The following ENOX1 variants were observed in gnomAD, a reference collection of about 807,000 sequenced individuals.
ENOX1 encodes ecto-NOX disulfide-thiol exchanger 1, also known as candidate growth-related and time keeping constitutive hydroquinone (NADH) oxidase.
In ENOX1, 42 loss-of-function variants were observed where a neutral mutation model predicts 82.5. The ratio of observed to expected loss-of-function variants is 0.51; its 90% CI spans 0.40 to 0.66. ENOX1 has a LOEUF of 0.66. Among genes scored for constraint, ENOX1 ranks in the 30% least tolerant of loss-of-function variants. The pLI is 0.00. For missense variants in ENOX1, 608 were observed against 811.6 expected (o/e 0.75, Z 3.05); for synonymous variants, 271 against 282.2 (o/e 0.96, Z 0.40).
chr13:43,319,374 T>C (rs1024182257), intron 11 of ENOX1, among the ~76,000 whole-genome samples: 1 of 152,142 alleles, frequency 6.6e-6, no homozygotes, highest in Non-Finnish European at 1.5e-5. Flanking sequence ...CAAAGACATA[T>C]TGCAAATTAT....
chr13:43,686,148 T>C (rs570616685), intron 1 of ENOX1, among the ~76,000 whole-genome samples: 2 of 152,292 alleles, frequency 1.3e-5, no homozygotes, highest in East Asian at 3.9e-4. Context: ...CTTAAGTAGC[T>C]CTCGGGATAT....
chr13:43,785,954 G>T (rs903817328), intron 1 of ENOX1, among the ~76,000 whole-genome samples: 1 of 152,078 alleles, frequency 6.6e-6, no homozygotes, highest in African/African-American at 2.4e-5. Flanking sequence ...CGGCCGAGGC[G>T]CGGGCTCTGC....
At chr13:43,550,227 T>C (rs2079135067) in intron 2 of ENOX1, among the ~76,000 whole-genome samples, 1 of 152,224 alleles carries the variant, frequency 6.6e-6, no homozygotes, top group African/African-American at 2.4e-5. Flanking sequence ...GTTTATGACC[T>C]GGGTGTTGGG....
intron 2 of ENOX1, among the ~76,000 whole-genome samples, chr13:43,529,916 C>A (rs1167377222): frequency 6.6e-6 from 1 of 152,100 alleles, no homozygotes; most frequent in Non-Finnish European, 1.5e-5. Flanking sequence ...ATTAAAACAA[C>A]AAACTATGAA....
chr13:43,353,551 A>T (rs2049948853), intron 8 of ENOX1, among the ~76,000 whole-genome samples: 1 of 152,252 alleles, frequency 6.6e-6, no homozygotes, highest in Admixed American at 6.5e-5. Context: ...CTTCAGGGAA[A>T]CAGTGTCCTC....
chr13:43,746,461 A>G (rs1950027223), intron 1 of ENOX1, among the ~76,000 whole-genome samples: 1 of 152,164 alleles, frequency 6.6e-6, no homozygotes, highest in African/African-American at 2.4e-5. Flanking sequence ...TTAGGGCAGG[A>G]GACAGGCAGT....
At chr13:43,519,829 A>G (rs1301510595) in intron 2 of ENOX1, among the ~76,000 whole-genome samples, 1 of 152,068 alleles carries the variant, frequency 6.6e-6, no homozygotes, top group Non-Finnish European at 1.5e-5. Flanking sequence ...GCAGTCCCAG[A>G]CTCATATTCA....
intron 14 of ENOX1, among the ~76,000 whole-genome samples, chr13:43,259,010 C>A (rs2043907538): frequency 6.6e-6 from 1 of 152,186 alleles, no homozygotes; most frequent in South Asian, 2.1e-4. Context: ...CTTTATTACT[C>A]ATCACTGGGT....
intron 1 of ENOX1, among the ~76,000 whole-genome samples, chr13:43,780,845 T>C (rs9595015): frequency 0.28 from 41,834 of 152,074 alleles, 6,808 homozygotes; most frequent in African/African-American, 0.45. Flanking sequence ...AGGCTTTGGC[T>C]ACTGAAGTCA....
chr13:43,270,648 G>A (rs771630470), intron 12 of ENOX1, among the ~76,000 whole-genome samples: 2 of 152,168 alleles, frequency 1.3e-5, no homozygotes, highest in African/African-American at 2.4e-5. Context: ...GGTTTGGGGG[G>A]ATTTTGCAGG....
chr13:43,668,481 C>A lies in ENOX1; in HGVS notation c.-284-937G>T, dbSNP rs549048390. On this transcript the variant is annotated intron_variant, in intron 1 of 16. Coordinates refer to ENST00000690772, the MANE Select transcript of ENOX1 (RefSeq NM_001347969.2). Reference sequence around the variant, plus strand: ...CTCTCCAGAAACACCTTACATCTGGCTAAATCTCTTTTCTTTCCAGAACAT... The same window carrying A: ...CTCTCCAGAAACACCTTACATCTGGATAAATCTCTTTTCTTTCCAGAACAT... Among the ~76,000 whole-genome samples, 13 of 152,300 alleles carry A rather than the reference C, an allele frequency of 8.5e-5. No homozygotes were observed. The East Asian group carries it at 2.3e-3, about 27-fold the overall frequency.
intron 16 of ENOX1, among the ~76,000 whole-genome samples, chr13:43,219,085 G>C (rs1471956832): frequency 6.6e-6 from 1 of 152,100 alleles, no homozygotes; most frequent in East Asian, 1.9e-4. Flanking sequence ...TCTCCTGCAC[G>C]ATTTTCTTCC....
chr13:43,307,011 C>T (rs910230984), intron 11 of ENOX1, among the ~76,000 whole-genome samples: 5 of 152,106 alleles, frequency 3.3e-5, no homozygotes, highest in African/African-American at 1.2e-4. Context: ...TTTTATAGTG[C>T]CAAATACTTG....
chr13:43,616,170 C>CTAGATAGATA (rs1218803816), intron 2 of ENOX1, among the ~76,000 whole-genome samples: 1 of 7,878 alleles, frequency 1.3e-4, no homozygotes, highest in African/African-American at 3.1e-4. Context: ...ATCTATCTAT[C>CTAGATAGATA]TATCTATCTA....
intron 11 of ENOX1, among the ~76,000 whole-genome samples, chr13:43,304,885 T>C (rs1204256478): frequency 1.3e-5 from 2 of 152,212 alleles, no homozygotes; most frequent in East Asian, 1.9e-4. Context: ...TATGAGACTA[T>C]TCACCCCATC....
At chr13:43,338,676 G>GTTTTT (rs71099830) in intron 9 of ENOX1, among the ~76,000 whole-genome samples, 20 of 81,260 alleles carry the variant, frequency 2.5e-4, no homozygotes, top group African/African-American at 2.7e-4. Context: ...TTCAGGTTGG[G>GTTTTT]TTTTTTTTTT....
At chr13:43,717,912 G>T (rs573289212) in intron 1 of ENOX1, among the ~76,000 whole-genome samples, 7 of 152,260 alleles carry the variant, frequency 4.6e-5, no homozygotes, top group African/African-American at 1.7e-4. Context: ...CAGAGAAAAG[G>T]AATCACATAT....
intron 2 of ENOX1, among the ~76,000 whole-genome samples, chr13:43,541,506 A>G (rs557960569): frequency 2.0e-5 from 3 of 152,294 alleles, no homozygotes; most frequent in Admixed American, 2.0e-4. Context: ...TTTCTAAAAA[A>G]TAAGAAACAA....
At chr13:43,459,868 C>G (rs1270198385) in intron 3 of ENOX1, among the ~76,000 whole-genome samples, 1 of 152,098 alleles carries the variant, frequency 6.6e-6, no homozygotes, top group Non-Finnish European at 1.5e-5. Context: ...GTGGCACGCG[C>G]CTGTAGTCCC....
Sources: allele counts gnomAD v4.1 joint callset (sites outside exome capture counted in the v4.1 genomes callset), GRCh38; gene constraint gnomAD v4.1.1; transcripts MANE v1.5; gene names NCBI Gene and HGNC (gene_info 2026-07-23, HGNC 2026-07-21).